Variants in PDE1C observed in about 807,000 individuals in gnomAD.
PDE1C encodes the protein dual specificity calcium/calmodulin-dependent 3',5'-cyclic nucleotide phosphodiesterase 1C.
In PDE1C, 62 loss-of-function variants were observed where a neutral mutation model predicts 93.1. The observed-to-expected ratio is 0.67, with a 90% CI of 0.54 to 0.82. The LOEUF (loss-of-function observed/expected upper bound fraction) is 0.82. Among genes scored for constraint, PDE1C ranks in the 40% least tolerant of loss-of-function variants. PDE1C has a pLI of 0.00. For synonymous variants in PDE1C, 325 were observed against 310.1 expected (o/e 1.05, Z -0.50); for missense variants, 742 against 884.6 (o/e 0.84, Z 2.04).
chr7:32,363,991 T>C (rs1339945392), intron 1 of PDE1C, among the ~76,000 whole-genome samples: 1 of 152,184 alleles, frequency 6.6e-6, no homozygotes, highest in East Asian at 1.9e-4. Flanking sequence ...GGAACTGAGG[T>C]ACAGAGAGGC....
intron 16 of PDE1C, among the ~76,000 whole-genome samples, chr7:31,776,780 G>A (rs1000455889): frequency 4.7e-4 from 72 of 152,172 alleles, no homozygotes; most frequent in African/African-American, 1.5e-3. Flanking sequence ...CCTGCAGTCT[G>A]AGCTGGCAGA....
intron 3 of PDE1C, among the ~76,000 whole-genome samples, chr7:32,160,907 T>G (rs1801881169): frequency 6.6e-6 from 1 of 152,174 alleles, no homozygotes; most frequent in Non-Finnish European, 1.5e-5. Flanking sequence ...AGCTGACTTC[T>G]GCAAACCACT....
intron 3 of PDE1C, among the ~76,000 whole-genome samples, chr7:32,114,348 C>A (rs556092609): frequency 1.8e-4 from 27 of 152,094 alleles, no homozygotes; most frequent in Non-Finnish European, 3.4e-4. Flanking sequence ...CTTTGACAAA[C>A]CTGACAAAAA....
At chr7:32,240,493 A>C (rs1253625010) in intron 1 of PDE1C, among the ~76,000 whole-genome samples, 1 of 152,182 alleles carries the variant, frequency 6.6e-6, no homozygotes, top group Non-Finnish European at 1.5e-5. Context: ...AAGCAGGGTT[A>C]AGGGTATAGA....
chr7:32,211,978 A>T (rs192906014), intron 1 of PDE1C, among the ~76,000 whole-genome samples: 182 of 148,252 alleles, frequency 1.2e-3, no homozygotes, highest in African/African-American at 4.3e-3. Context: ...GTGAGCTGTG[A>T]TCAAACCACT....
intron 6 of PDE1C, among the ~76,000 whole-genome samples, chr7:31,869,590 C>G (rs957942321): frequency 1.3e-5 from 2 of 151,974 alleles, no homozygotes; most frequent in African/African-American, 4.8e-5. Flanking sequence ...TAAACATACA[C>G]ACACCCAAAA....
chr7:31,652,459 A>C, the PDE1C span: 190 of 1,511,430 alleles, frequency 1.3e-4, 1 homozygote, highest in African/African-American at 2.3e-3. Context: ...AGTTTGAGTA[A>C]GCTGTTTGGT....
At chr7:32,252,162 A>T (rs4720058) in intron 1 of PDE1C, among the ~76,000 whole-genome samples, 83,188 of 152,128 alleles carry the variant, frequency 0.55, 24,748 homozygotes, top group Admixed American at 0.67. Flanking sequence ...CTTTTAGTCA[A>T]CTCCTCCCTA....
At chr7:31,980,779 C>T (rs566924389) in intron 2 of PDE1C, among the ~76,000 whole-genome samples, 1 of 152,258 alleles carries the variant, frequency 6.6e-6, no homozygotes, top group East Asian at 1.9e-4. Flanking sequence ...GTTTCCTTGC[C>T]TTTTCAATCT....
chr7:31,734,570 C>T, the PDE1C span, among the ~76,000 whole-genome samples: 1 of 152,280 alleles, frequency 6.6e-6, no homozygotes, highest in East Asian at 1.9e-4. Flanking sequence ...TTCCAATTAG[C>T]TTCCCATTTC....
At chr7:32,376,772 C>T (rs1479207091) in intron 1 of PDE1C, among the ~76,000 whole-genome samples, 1 of 152,180 alleles carries the variant, frequency 6.6e-6, no homozygotes, top group East Asian at 1.9e-4. Flanking sequence ...ACTGCAAGCT[C>T]CGCCTCCCAG....
At chr7:31,665,805 C>T in the PDE1C span, among the ~76,000 whole-genome samples, 3 of 152,192 alleles carry the variant, frequency 2.0e-5, no homozygotes, top group Non-Finnish European at 2.9e-5. Context: ...ACTCAAGAAG[C>T]TCTTTCCTTT....
At chr7:31,655,860 G>T in the PDE1C span, 7 of 985,412 alleles carry the variant, frequency 7.1e-6, no homozygotes, top group Non-Finnish European at 7.2e-6. Flanking sequence ...TCCCTGTAAC[G>T]CCTACGGAAT....
At chr7:32,427,992 G>A (rs542763594) in exon 1 of PDE1C, 2 of 152,438 alleles carry the variant, frequency 1.3e-5, no homozygotes, top group East Asian at 3.9e-4. Context: ...CCGGGGTCCC[G>A]GCCTCTGGGT....
intron 2 of PDE1C, among the ~76,000 whole-genome samples, chr7:31,955,532 G>A (rs1808009332): frequency 1.3e-5 from 2 of 152,184 alleles, no homozygotes; most frequent in African/African-American, 4.8e-5. Flanking sequence ...TTCAATAATA[G>A]GAATTTCCTT....
intron 16 of PDE1C, among the ~76,000 whole-genome samples, chr7:31,805,401 C>G (rs2128701794): frequency 6.6e-6 from 1 of 151,870 alleles, no homozygotes; most frequent in East Asian, 1.9e-4. Context: ...GAAAGTGAAA[C>G]TGACAATAAG....
the PDE1C span, among the ~76,000 whole-genome samples, chr7:31,625,047 G>A: frequency 6.6e-6 from 1 of 152,196 alleles, no homozygotes; most frequent in Non-Finnish European, 1.5e-5. Flanking sequence ...GGCCATCAGA[G>A]AAATGCAAAT....
intron 1 of PDE1C, among the ~76,000 whole-genome samples, chr7:32,234,441 A>C (rs1341237741): frequency 6.6e-6 from 1 of 151,990 alleles, no homozygotes; most frequent in Non-Finnish European, 1.5e-5. Context: ...GGGGCTCAAC[A>C]CAGACCCTGC....
chr7:32,312,482 A>G (rs1047340257), intron 1 of PDE1C, among the ~76,000 whole-genome samples: 1 of 152,256 alleles, frequency 6.6e-6, no homozygotes, highest in African/African-American at 2.4e-5. Flanking sequence ...AGCCAGAGGC[A>G]TCACGCTACC....
Sources: allele counts gnomAD v4.1 joint callset (sites outside exome capture counted in the v4.1 genomes callset), GRCh38; gene constraint gnomAD v4.1.1; transcripts MANE v1.5; gene names NCBI Gene and HGNC (gene_info 2026-07-23, HGNC 2026-07-21).